The following OTOF variants were observed in gnomAD, a reference collection of about 807,000 sequenced individuals.
The protein encoded by OTOF is fer-1-like family member 2.
In OTOF, 218 loss-of-function variants were observed where a neutral mutation model predicts 236.8. The observed-to-expected ratio is 0.92, with a 90% CI of 0.82 to 1.03. OTOF has a LOEUF of 1.03. Ranked by LOEUF, OTOF falls within the 50% of genes least tolerant of loss-of-function variation. The pLI is 0.00. For missense variants in OTOF, 2,590 were observed against 2,694.4 expected (o/e 0.96, Z 0.86); for synonymous variants, 1,041 against 1,072.5 (o/e 0.97, Z 0.57).
At chr2:26,502,886 G>A (rs1020313059) in intron 6 of OTOF, among the ~76,000 whole-genome samples, 2 of 152,220 alleles carry the variant, frequency 1.3e-5, no homozygotes, top group African/African-American at 4.8e-5. Context: ...CGAAGGCTTA[G>A]GAAGTAACTT....
chr2:26,500,620 C>A (rs1017761922), intron 8 of OTOF, among the ~76,000 whole-genome samples: 1 of 152,164 alleles, frequency 6.6e-6, no homozygotes, highest in African/African-American at 2.4e-5. Flanking sequence ...AGGGGCAGGT[C>A]CGTTTGACAT....
chr2:26,482,980 CGT>C lies in OTOF; in HGVS notation c.1393-390_1393-389del, dbSNP rs569748801. 8.2e-4 allele frequency among the ~76,000 whole-genome samples: 76 copies of C among 93,116 alleles called. 4 individuals are homozygous for C. In the South Asian group the frequency reaches 0.028, roughly 34 times the overall value. The allele number at this position is 93,116 out of a possible 152,430, so 61.1% of individuals were successfully genotyped here. A position where few individuals can be genotyped will look rare whatever the true frequency, so the allele number is the denominator to read the frequency against. On this transcript the variant is annotated intron_variant, in intron 13 of 46. Coordinates refer to ENST00000272371, the MANE Select transcript of OTOF (RefSeq NM_194248.3). ...GTGCACGTGTGAGTGGGTATGCGTG[CGT>C]GTGTGAGTGGGTGCATGTGTGCATG...
Position 26,462,208 on chromosome 2 carries a change from A to C in OTOF, c.5193-27T>G, listed in dbSNP as rs1287429429. On this transcript the variant is annotated intron_variant, in intron 41 of 46. Coordinates refer to ENST00000272371, the MANE Select transcript of OTOF (RefSeq NM_194248.3). The surrounding 1 kb of genome is among the most constrained non-coding windows in gnomAD (Gnocchi z 4.7). The stretch of plus-strand genomic sequence containing the variant: ...TGGGCCCAGGGAGAGAAGGCTGGTT[A>C]GCAGCCCCAGGTGGGGGTTATGCCA... 5 of 1,598,744 alleles carry C rather than the reference A, an allele frequency of 3.1e-6. No homozygotes were observed. The African/African-American group carries it at 6.7e-5, about 21-fold the overall frequency.
chr2:26,528,499 G>A (rs1318762389), intron 2 of OTOF, among the ~76,000 whole-genome samples: 1 of 152,224 alleles, frequency 6.6e-6, no homozygotes, highest in Non-Finnish European at 1.5e-5. Flanking sequence ...TGTTATTGGG[G>A]TCAGGCCCAC....
At chr2:26,543,647 T>C (rs1242158287) in intron 1 of OTOF, among the ~76,000 whole-genome samples, 1 of 152,218 alleles carries the variant, frequency 6.6e-6, no homozygotes, top group African/African-American at 2.4e-5. Context: ...TTTGGTGCAG[T>C]TTATCCCTCA....
Position 26,460,125 on chromosome 2 carries a change from AG to A in OTOF, c.5893del (p.Leu1965CysfsTer166). 1 of 1,596,414 alleles carries A rather than the reference AG, an allele frequency of 6.3e-7. No homozygotes were observed. The highest frequency in any genetic ancestry group is 8.5e-7 in the Non-Finnish European group (1 of 1,171,790). On this transcript the variant is annotated frameshift_variant, in exon 46 of 47. Transcript: ENST00000272371. LOFTEE classifies it high-confidence loss of function. This position sits in a 1 kb window ranked among gnomAD's most constrained non-coding sequence, Gnocchi z 5.3. ...CAGGAGCAGCAACAGTTTGAGGAGC[AG>A]CCAGCGATACGTGTGCCACAAGAAG... ...RYFLWHTYRW[L>X]LLKLLLLLLL...
chr2:26,469,977 T>A (rs570359670), intron 32 of OTOF, among the ~76,000 whole-genome samples: 1 of 152,248 alleles, frequency 6.6e-6, no homozygotes, highest in East Asian at 1.9e-4. Flanking sequence ...AGCAGAGAAA[T>A]GCGCTTTCTG....
At chr2:26,480,446 G>C in intron 15 of OTOF, 135 bp from the exon 16 acceptor site, 3 of 713,868 alleles carry the variant, frequency 4.2e-6, no homozygotes, top group Non-Finnish European at 7.6e-6. Context: ...GGGCCAGGCA[G>C]CCCACACCCC....
intron 2 of OTOF, among the ~76,000 whole-genome samples, chr2:26,528,216 C>T (rs988464983): frequency 3.9e-5 from 6 of 152,214 alleles, no homozygotes; most frequent in African/African-American, 9.6e-5. Context: ...CTTTTGACTC[C>T]CTACACAGCG....
At position 26,461,981 on chromosome 2, in the gene OTOF, C is replaced by A. The variant is rs1295319205; in HGVS notation, c.5292-44G>T. On this transcript the variant is annotated intron_variant, in intron 42 of 46. Transcript: ENST00000272371. The surrounding 1 kb of genome is among the most constrained non-coding windows in gnomAD (Gnocchi z 6.2). Reference sequence around the variant, plus strand: ...CAGACCCGCAGCCAGGCTGGTGGGGCCTCTCCCACCCACAGCCACCTTCCC... The same window carrying A: ...CAGACCCGCAGCCAGGCTGGTGGGGACTCTCCCACCCACAGCCACCTTCCC... 1.5e-5 allele frequency: 25 copies of A among 1,613,328 alleles called. No individual in the cohort carries two copies. Among genetic ancestry groups the A allele is most frequent in the Non-Finnish European group, 2.0e-5 (24 of 1,179,806 alleles).
intron 11 of OTOF, among the ~76,000 whole-genome samples, chr2:26,487,213 G>A (rs1253603117): frequency 6.6e-6 from 1 of 152,120 alleles, no homozygotes; most frequent in Non-Finnish European, 1.5e-5. Context: ...AGTGTCTCTG[G>A]GAGCATGCTG....
chr2:26,555,431 G>A (rs1302079612), intron 1 of OTOF, among the ~76,000 whole-genome samples: 1 of 152,238 alleles, frequency 6.6e-6, no homozygotes, highest in Non-Finnish European at 1.5e-5. Context: ...ACAAATATTA[G>A]CATGTTCAGG....
rs138037294 is a variant in OTOF, at chr2:26,467,501, C to A, written c.4091G>T (p.Gly1364Val). Residue 1364 changes from glycine to valine, a missense_variant and splice_region_variant, in exon 34 of 47, where the codon GGC (glycine) becomes GTC (valine). Coordinates refer to ENST00000272371, the MANE Select transcript of OTOF (RefSeq NM_194248.3). ...EEKEEVDNTE[G>V]LKGSMKGKEK... The stretch of plus-strand genomic sequence containing the variant: ...CTTGCCCTTCATTGACCCCTTCAGG[C>A]CTGGCCAGAAGCAGAAAAGGAGGTG... 353 of 1,613,752 alleles carry A rather than the reference C, an allele frequency of 2.2e-4. 1 individual carries two copies. In the African/African-American group the frequency reaches 4.4e-3, roughly 20 times the overall value.
chr2:26,517,961 G>T (rs996759689), intron 4 of OTOF, among the ~76,000 whole-genome samples: 2 of 152,260 alleles, frequency 1.3e-5, no homozygotes, highest in African/African-American at 4.8e-5. Context: ...CTTCCCATGG[G>T]TGTCCATACA....
intron 5 of OTOF, among the ~76,000 whole-genome samples, chr2:26,505,276 T>A (rs1411626594): frequency 6.6e-6 from 1 of 152,214 alleles, no homozygotes; most frequent in Non-Finnish European, 1.5e-5. Flanking sequence ...AAGGCTGATG[T>A]GTCTGCACTC....
At position 26,480,911 on chromosome 2, in the gene OTOF, C is replaced by A. The variant is rs761530557; in HGVS notation, c.1678G>T (p.Gly560Trp). ...CGGGCCCGGAAGGACACACCCTCCC[C>A]CAGGCCCTCGTTCAGGTCCTGATGC... is the stretch of plus-strand genomic sequence containing the variant. ...DEHQDLNEGLGEGVSFRARLL... is the reference protein window; with the variant it reads ...DEHQDLNEGLWEGVSFRARLL... The change falls in exon 15 of 47, where the codon GGG becomes TGG. Residue 560 changes from glycine (G) to tryptophan (W), a missense_variant. Gly to Trp is a radical substitution (Grantham distance 184). This residue lies in a region of OTOF where 1,379 missense variants were observed against 1,341.6 expected (regional missense o/e 1.03). Transcript: ENST00000272371. 1.9e-5 allele frequency: 30 copies of A among 1,612,902 alleles called. No individual in the cohort carries two copies. The highest frequency in any genetic ancestry group is 1.9e-5 in the Non-Finnish European group (22 of 1,179,978).
chr2:26,550,168 G>C (rs942538148), intron 1 of OTOF, among the ~76,000 whole-genome samples: 7 of 151,996 alleles, frequency 4.6e-5, no homozygotes, highest in African/African-American at 1.7e-4. Flanking sequence ...CTTCTGCTTT[G>C]AAGTAAAAGA....
At chr2:26,526,497 G>T (rs541529626) in intron 3 of OTOF, among the ~76,000 whole-genome samples, 12 of 152,188 alleles carry the variant, frequency 7.9e-5, no homozygotes, top group Non-Finnish European at 1.8e-4. Context: ...ATAGATGGAT[G>T]GATGGATGAA....
chr2:26,479,344 T>C lies in OTOF; in HGVS notation c.2134A>G (p.Ile712Val). ...TCCGGCCACCAGCTCTTGATGTAGA[T>C]GCAGGGCTTTCGCTCCAGGTAGGGC... ...HLPYLERKPC[I>V]YIKSWWPDQR... Residue 712 changes from isoleucine (I) to valine (V), a missense_variant, in exon 18 of 47, where the codon ATC (isoleucine) becomes GTC (valine). This residue lies in a region of OTOF where 1,379 missense variants were observed against 1,341.6 expected (regional missense o/e 1.03). Transcript: ENST00000272371. The C allele has an allele frequency of 1.9e-6, 3 of 1,612,792 alleles. No homozygotes were observed. Among genetic ancestry groups the C allele is most frequent in the Non-Finnish European group, 2.5e-6 (3 of 1,179,932 alleles).
Sources: allele counts gnomAD v4.1 joint callset (sites outside exome capture counted in the v4.1 genomes callset), GRCh38; gene constraint gnomAD v4.1.1; regional missense constraint gnomAD v4.1.1; non-coding constraint Gnocchi (gnomAD v3.1); transcripts MANE v1.5; gene names NCBI Gene and HGNC (gene_info 2026-07-23, HGNC 2026-07-21).